Variants in HAUS2 observed in about 807,000 individuals in gnomAD.
The protein encoded by HAUS2 is HAUS augmin-like complex subunit 2.
Under a neutral mutation model 21.6 loss-of-function variants are expected in HAUS2, and 20 were observed. The observed-to-expected ratio is 0.93, with a 90% CI of 0.65 to 1.35. The LOEUF is 1.35. HAUS2 is among the 40% of genes most tolerant of loss of function. The pLI, the probability that HAUS2 is intolerant of heterozygous loss-of-function variation, is 0.00. For missense variants in HAUS2, 297 were observed against 280.7 expected (o/e 1.06, Z -0.42); for synonymous variants, 113 against 95.6 (o/e 1.18, Z -1.06).
At position 42,558,286 on chromosome 15, in the gene HAUS2, A is replaced by G; in HGVS notation, c.182A>G (p.Tyr61Cys). The G allele has an allele frequency of 8.5e-7, 1 of 1,170,140 alleles. No homozygotes were observed. Among genetic ancestry groups the G allele is most frequent in the African/African-American group, 1.5e-5 (1 of 64,600 alleles). The allele number at this position is 1,170,140 out of a possible 1,614,324, so 72.5% of individuals were successfully genotyped here. ...ATCACAAATATTCAAGCTGAAATCT[A>G]CCAGGTAAATCATTTTGTTTTCACT... ...QQITNIQAEI[Y>C]QKNLEIELLK... The change falls in exon 2 of 6, where the codon TAC becomes TGC. Residue 61 changes from tyrosine to cysteine, a missense_variant. Physicochemically the swap from Tyr to Cys is radical, Grantham distance 194 (BLOSUM62 -2). Coordinates refer to ENST00000260372, the MANE Select transcript of HAUS2 (RefSeq NM_018097.3).
chr15:42,556,527 G>A (rs2057777960), intron 1 of HAUS2, among the ~76,000 whole-genome samples: 1 of 151,576 alleles, frequency 6.6e-6, no homozygotes, highest in Admixed American at 6.6e-5. Flanking sequence ...GGCCTCCAAA[G>A]TTCGGGATTA....
At chr15:42,549,078 A>G in intron 1 of HAUS2, 113 bp downstream of exon 1, 4 of 666,870 alleles carry the variant, frequency 6.0e-6, no homozygotes, top group South Asian at 5.5e-5. Flanking sequence ...TGGGGTCTGT[A>G]CTAGAGTAAT....
rs1273950268 is a variant in HAUS2, at chr15:42,569,606, C to T, written c.*2790C>T. On this transcript the variant is annotated 3_prime_UTR_variant, in exon 6 of 6. Coordinates refer to ENST00000260372, the MANE Select transcript of HAUS2 (RefSeq NM_018097.3). The stretch of plus-strand genomic sequence containing the variant: ...ACAGGTGTTAGCCACTGCGCCTGGC[C>T]TCATTGTACTCCTTAACACAAGAAG... 1.3e-5 allele frequency: 2 copies of T among 152,108 alleles called. No individual in the cohort carries two copies. The highest frequency in any genetic ancestry group is 1.9e-4 in the East Asian group (1 of 5,194). 9.4% of individuals were successfully genotyped at this position (152,108 alleles called of 1,614,324 possible).
At chr15:42,554,133 C>T (rs1411291004) in intron 1 of HAUS2, among the ~76,000 whole-genome samples, 1 of 152,114 alleles carries the variant, frequency 6.6e-6, no homozygotes, top group African/African-American at 2.4e-5. Context: ...CCCATCTTTT[C>T]TTCCTTTCCT....
rs926560930 is a variant in HAUS2, at chr15:42,551,640, C to CA, written c.93+2684dup. Among the ~76,000 whole-genome samples the CA allele has an allele frequency of 5.3e-4, 80 of 149,766 alleles. 1 individual carries two copies. Among genetic ancestry groups the CA allele is most frequent in the Non-Finnish European group, 8.2e-4 (55 of 67,318 alleles). The stretch of plus-strand genomic sequence containing the variant: ...TGGGTGACACAGTAAGACCCTGTCT[C>CA]AAAAAAAAACAACCCCCCAACTTTT... On this transcript the variant is annotated intron_variant, in intron 1 of 5. Coordinates refer to ENST00000260372, the MANE Select transcript of HAUS2 (RefSeq NM_018097.3).
At position 42,569,444 on chromosome 15, in the gene HAUS2, CTA is replaced by C. The variant is rs1325192023; in HGVS notation, c.*2631_*2632del. 2.6e-5 allele frequency: 4 copies of C among 151,948 alleles called. No homozygotes were observed. Among genetic ancestry groups the C allele is most frequent in the Non-Finnish European group, 5.9e-5 (4 of 68,148 alleles). 9.4% of individuals were successfully genotyped at this position (151,948 alleles called of 1,614,324 possible). The stretch of plus-strand genomic sequence containing the variant: ...ACCTCAGCCTCCCAAGTAGCTGGGA[CTA>C]TAGGCACGCGCCACCACGCCTGGCT... On this transcript the variant is annotated 3_prime_UTR_variant, in exon 6 of 6. Transcript: ENST00000260372.
At chr15:42,561,498 G>C in intron 4 of HAUS2, 96 bp downstream of exon 4, 1 of 767,232 alleles carries the variant, frequency 1.3e-6, no homozygotes, top group Non-Finnish European at 2.3e-6. Flanking sequence ...AAAACAATTA[G>C]TGATTGTATT....
At chr15:42,554,490 G>A (rs1226329384) in intron 1 of HAUS2, among the ~76,000 whole-genome samples, 1 of 149,482 alleles carries the variant, frequency 6.7e-6, no homozygotes. Flanking sequence ...TTGTTTTGTA[G>A]GTGTATTTTT....
intron 3 of HAUS2, 53 bp downstream of exon 3, chr15:42,559,461 T>C: frequency 9.9e-7 from 1 of 1,005,634 alleles, no homozygotes; most frequent in Non-Finnish European, 1.6e-6. Context: ...TTTTCTTGGA[T>C]TACTGTAAAT....
intron 1 of HAUS2, 94 bp downstream of exon 1, chr15:42,549,059 G>C (rs1025056856): frequency 1.4e-5 from 11 of 808,864 alleles, no homozygotes; most frequent in Admixed American, 4.5e-5. Flanking sequence ...GAGTGGTGAG[G>C]GTCCTGGTTG....
chr15:42,562,455 C>T (rs1467237181), intron 4 of HAUS2, among the ~76,000 whole-genome samples: 2 of 152,104 alleles, frequency 1.3e-5, no homozygotes. Flanking sequence ...ATATGCTGGG[C>T]ATGGTGGCAC....
At chr15:42,549,102 A>G in intron 1 of HAUS2, 137 bp downstream of exon 1, 1 of 584,284 alleles carries the variant, frequency 1.7e-6, no homozygotes, top group Non-Finnish European at 3.1e-6. Context: ...AGCCCCTTCC[A>G]GGCAACAGCC....
intron 4 of HAUS2, among the ~76,000 whole-genome samples, chr15:42,562,658 A>T (rs1219637599): frequency 6.6e-6 from 1 of 152,216 alleles, no homozygotes; most frequent in Non-Finnish European, 1.5e-5. Flanking sequence ...CATTATCATT[A>T]CCCTTAATGT....
intron 1 of HAUS2, among the ~76,000 whole-genome samples, chr15:42,550,204 C>G (rs1261734159): frequency 1.3e-5 from 2 of 148,528 alleles, no homozygotes; most frequent in African/African-American, 5.0e-5. Flanking sequence ...ATGGCTTGAG[C>G]TTAAGAGATG....
Position 42,568,457 on chromosome 15 carries a change from G to C in HAUS2, c.*1641G>C, listed in dbSNP as rs1169945678. 6.6e-6 allele frequency: 1 copy of C among 152,200 alleles called. No homozygotes were observed. Among genetic ancestry groups the C allele is most frequent in the African/African-American group, 2.4e-5 (1 of 41,452 alleles). 9.4% of individuals were successfully genotyped at this position (152,200 alleles called of 1,614,324 possible). The stretch of plus-strand genomic sequence containing the variant: ...GATAGCAGCACTAATTCATTAATGA[G>C]GGCAAAGCCCTCCTTACCTAATTAC... On this transcript the variant is annotated 3_prime_UTR_variant, in exon 6 of 6. Transcript: ENST00000260372.
chr15:42,565,283 C>G (rs967257348), intron 5 of HAUS2, among the ~76,000 whole-genome samples: 1 of 151,942 alleles, frequency 6.6e-6, no homozygotes, highest in Non-Finnish European at 1.5e-5. Context: ...TTGGCTGATG[C>G]GTAAAGGTAT....
At position 42,569,287 on chromosome 15, in the gene HAUS2, C is replaced by A. The variant is rs879180000; in HGVS notation, c.*2471C>A. 2 of 137,168 alleles carry A rather than the reference C, an allele frequency of 1.5e-5. No homozygotes were observed. The highest frequency in any genetic ancestry group is 5.4e-5 in the African/African-American group (2 of 36,974). The allele number at this position is 137,168 out of a possible 1,614,324, so 8.5% of individuals were successfully genotyped here. ...CATCAGTTTTGTTTTTTGTTTTGTTCTTTTCTTTCCTTTTTTTTTTTTTTT... is the reference window on the plus strand; with the variant it reads ...CATCAGTTTTGTTTTTTGTTTTGTTATTTTCTTTCCTTTTTTTTTTTTTTT... On this transcript the variant is annotated 3_prime_UTR_variant, in exon 6 of 6. Transcript: ENST00000260372.
At chr15:42,556,794 C>T (rs899671214) in intron 1 of HAUS2, among the ~76,000 whole-genome samples, 4 of 146,126 alleles carry the variant, frequency 2.7e-5, no homozygotes, top group Non-Finnish European at 6.0e-5. Flanking sequence ...CACCTGAGGT[C>T]AGCAGTTCTA....
At chr15:42,550,353 T>A (rs978458751) in intron 1 of HAUS2, among the ~76,000 whole-genome samples, 1 of 151,236 alleles carries the variant, frequency 6.6e-6, no homozygotes, top group Non-Finnish European at 1.5e-5. Context: ...CTTTTTATAG[T>A]CAGAAGAGCC....
Sources: allele counts gnomAD v4.1 joint callset (sites outside exome capture counted in the v4.1 genomes callset), GRCh38; gene constraint gnomAD v4.1.1; transcripts MANE v1.5; gene names NCBI Gene and HGNC (gene_info 2026-07-23, HGNC 2026-07-21).